KCNIP1: variants seen among roughly 807,000 people sequenced by gnomAD.
The protein encoded by KCNIP1 is A-type potassium channel modulatory protein KCNIP1.
KCNIP1 carries 18 observed loss-of-function variants against 33.0 expected under a neutral mutation model. The observed-to-expected ratio is 0.55, with a 90% CI of 0.38 to 0.81. KCNIP1 has a LOEUF of 0.81. Among genes scored for constraint, KCNIP1 ranks in the 30% least tolerant of loss-of-function variants. The pLI, the probability that KCNIP1 is intolerant of heterozygous loss-of-function variation, is 0.00. For synonymous variants in KCNIP1, 93 were observed against 98.3 expected, an observed-to-expected ratio of 0.95 and a Z score of 0.32; for missense variants, 238 against 271.6, an observed-to-expected ratio of 0.88 and a Z score of 0.87.
chr5:170,424,928 C>G (rs1394310322), intron 1 of KCNIP1, among the ~76,000 whole-genome samples: 2 of 152,170 alleles, frequency 1.3e-5, no homozygotes, highest in East Asian at 3.9e-4. Flanking sequence ...GGTCTTCAGA[C>G]ACAATAAGCT....
At chr5:170,483,077 A>G (rs1348335944) in intron 1 of KCNIP1, 1 of 454,790 alleles carries the variant, frequency 2.2e-6, no homozygotes, top group Non-Finnish European at 4.4e-6. Flanking sequence ...CAAAAGTGGA[A>G]CTGGGGCCCG....
intron 1 of KCNIP1, among the ~76,000 whole-genome samples, chr5:170,526,962 A>G (rs941317726): frequency 2.0e-5 from 3 of 152,108 alleles, no homozygotes; most frequent in Non-Finnish European, 2.9e-5. Context: ...ACCTCAGGTG[A>G]TCTGCCCACT....
At chr5:170,462,015 A>C (rs868689386) in intron 1 of KCNIP1, among the ~76,000 whole-genome samples, 1 of 152,152 alleles carries the variant, frequency 6.6e-6, no homozygotes, top group Admixed American at 6.6e-5. Flanking sequence ...AAAATTCTAG[A>C]AGATAACATT....
At chr5:170,571,410 T>C (rs1757404604) in intron 1 of KCNIP1, among the ~76,000 whole-genome samples, 1 of 152,242 alleles carries the variant, frequency 6.6e-6, no homozygotes, top group Admixed American at 6.5e-5. Flanking sequence ...TCTCCTGCCT[T>C]CTTGCCTGTG....
At chr5:170,515,505 C>T (rs1755088386) in intron 1 of KCNIP1, among the ~76,000 whole-genome samples, 1 of 152,250 alleles carries the variant, frequency 6.6e-6, no homozygotes, top group Non-Finnish European at 1.5e-5. Flanking sequence ...AGGAACTTCT[C>T]TCTGGTCATA....
intron 1 of KCNIP1, among the ~76,000 whole-genome samples, chr5:170,623,038 G>T (rs533544245): frequency 5.3e-5 from 8 of 152,156 alleles, no homozygotes; most frequent in Non-Finnish European, 1.0e-4. Context: ...TAGATCCTTC[G>T]CATGCGCAGT....
In KCNIP1 at chr5:170,507,050, A is replaced by G. The variant is rs532552392; in HGVS notation, c.61+2417A>G. 5.9e-5 allele frequency among the ~76,000 whole-genome samples: 9 copies of G among 152,326 alleles called. No individual in the cohort carries two copies. In the East Asian group the frequency reaches 1.7e-3, roughly 29 times the overall value. ...CTCGGTTTCTTCTTTGTAAAGGGAG[A>G]AACTTACATTAGGCATTTCCTCAGG... On this transcript the variant is annotated intron_variant, in intron 1 of 7. Transcript: ENST00000328939.
intron 1 of KCNIP1, among the ~76,000 whole-genome samples, chr5:170,368,851 C>T (rs113751917): frequency 1.6e-4 from 24 of 152,222 alleles, no homozygotes; most frequent in Non-Finnish European, 2.6e-4. Flanking sequence ...CCCACACACG[C>T]ATTCTCCTCC....
intron 1 of KCNIP1, among the ~76,000 whole-genome samples, chr5:170,445,984 C>T (rs889012438): frequency 6.6e-6 from 1 of 152,236 alleles, no homozygotes; most frequent in Non-Finnish European, 1.5e-5. Context: ...ACATGGCTCT[C>T]TGTTTCATTC....
chr5:170,452,354 G>A (rs550492586), intron 1 of KCNIP1, among the ~76,000 whole-genome samples: 2 of 152,306 alleles, frequency 1.3e-5, no homozygotes, highest in Admixed American at 6.5e-5. Flanking sequence ...ACCGGAAAGC[G>A]CCTAGTGTGC....
chr5:170,629,773 G>C (rs1316507199), intron 1 of KCNIP1, among the ~76,000 whole-genome samples: 1 of 152,106 alleles, frequency 6.6e-6, no homozygotes, highest in East Asian at 1.9e-4. Context: ...ATCTAGTAAG[G>C]GCACCAAATG....
At chr5:170,670,385 C>T (rs913813688) in intron 1 of KCNIP1, among the ~76,000 whole-genome samples, 5 of 152,162 alleles carry the variant, frequency 3.3e-5, no homozygotes, top group Non-Finnish European at 5.9e-5. Flanking sequence ...TGACCTAACC[C>T]TTCCAAGGAC....
At chr5:170,673,879 T>C (rs1762018885) in intron 1 of KCNIP1, among the ~76,000 whole-genome samples, 1 of 152,022 alleles carries the variant, frequency 6.6e-6, no homozygotes. Context: ...TGAGCGCTCT[T>C]ACACATACTA....
chr5:170,517,821 T>C (rs941213493), intron 1 of KCNIP1, among the ~76,000 whole-genome samples: 1 of 140,534 alleles, frequency 7.1e-6, no homozygotes, highest in Non-Finnish European at 1.6e-5. Context: ...GTGGTGGTTA[T>C]GGAGGTGGTG....
At chr5:170,556,592 G>C (rs1756856830) in intron 1 of KCNIP1, among the ~76,000 whole-genome samples, 1 of 152,032 alleles carries the variant, frequency 6.6e-6, no homozygotes, top group South Asian at 2.1e-4. Context: ...ACAGGGATGG[G>C]GAGAGGAAGA....
At position 170,410,083 on chromosome 5, in the gene KCNIP1, G is replaced by A. The variant is rs116481985; in HGVS notation, c.88+56119G>A. On this transcript the variant is annotated intron_variant, in intron 1 of 7. Coordinates refer to the KCNIP1 transcript ENST00000377360. The stretch of plus-strand genomic sequence containing the variant: ...TCCAGTGTAACTATCAGGAATCCTG[G>A]GCAAAGCCATCAGAGTGCTGTGAGC... Among the ~76,000 whole-genome samples the A allele has an allele frequency of 8.0e-3, 1,220 of 152,330 alleles. 16 individuals carry two copies. The highest frequency in any genetic ancestry group is 0.028 in the African/African-American group (1,147 of 41,580).
intron 1 of KCNIP1, among the ~76,000 whole-genome samples, chr5:170,715,930 G>A (rs747815312): frequency 2.0e-5 from 3 of 152,188 alleles, no homozygotes; most frequent in Non-Finnish European, 4.4e-5. Context: ...CTCTCCTCCT[G>A]CACACAGGGA....
chr5:170,515,606 GTGAGCACTA>G, intron 1 of KCNIP1, among the ~76,000 whole-genome samples: 1 of 152,348 alleles, frequency 6.6e-6, no homozygotes, highest in East Asian at 1.9e-4. Flanking sequence ...TCCCCAGGAA[GTGAGCACTA>G]TTACTAGACC....
chr5:170,666,801 C>T (rs564768025), intron 1 of KCNIP1, among the ~76,000 whole-genome samples: 84 of 152,282 alleles, frequency 5.5e-4, no homozygotes, highest in Non-Finnish European at 8.2e-4. Context: ...GTGGTCTGCT[C>T]GCTGGGCCCC....
Sources: allele counts gnomAD v4.1 joint callset (sites outside exome capture counted in the v4.1 genomes callset), GRCh38; gene constraint gnomAD v4.1.1; transcripts MANE v1.5; gene names NCBI Gene and HGNC (gene_info 2026-07-23, HGNC 2026-07-21).